EPHA6: variants seen among roughly 807,000 people sequenced by gnomAD.
EPHA6 encodes EPH receptor A6, also known as ephrin type-A receptor 6.
EPHA6 carries 50 observed loss-of-function variants against 112.0 expected under a neutral mutation model. The observed-to-expected ratio is 0.45, with a 90% CI of 0.36 to 0.56. The LOEUF (loss-of-function observed/expected upper bound fraction) is 0.56. Among genes scored for constraint, EPHA6 ranks in the 20% least tolerant of loss-of-function variants. EPHA6 has a pLI of 0.00. For missense variants in EPHA6, 1,280 were observed against 1,417.4 expected (o/e 0.90, Z 1.56); for synonymous variants, 529 against 490.7 (o/e 1.08, Z -1.03).
chr3:97,099,616 G>A (rs1456826610), intron 3 of EPHA6, among the ~76,000 whole-genome samples: 1 of 151,836 alleles, frequency 6.6e-6, no homozygotes, highest in African/African-American at 2.4e-5. Context: ...CATGTGACCT[G>A]TTTCTGGATA....
At chr3:97,435,786 G>T (rs1481645295) in intron 6 of EPHA6, among the ~76,000 whole-genome samples, 2 of 152,014 alleles carry the variant, frequency 1.3e-5, no homozygotes, top group Non-Finnish European at 2.9e-5. Flanking sequence ...AACCAGCTTA[G>T]GTTTATGAGT....
intron 2 of EPHA6, among the ~76,000 whole-genome samples, chr3:96,939,380 T>A (rs1025137442): frequency 6.6e-6 from 1 of 152,244 alleles, no homozygotes; most frequent in Non-Finnish European, 1.5e-5. Context: ...CTAGATTTTC[T>A]AGTTTATTTG....
At chr3:97,377,180 G>A (rs908368423) in intron 5 of EPHA6, among the ~76,000 whole-genome samples, 2 of 152,096 alleles carry the variant, frequency 1.3e-5, no homozygotes, top group African/African-American at 4.8e-5. Flanking sequence ...CACGTGTTGT[G>A]GGAGGGACTC....
At chr3:97,725,394 G>A (rs1031630275) in intron 15 of EPHA6, among the ~76,000 whole-genome samples, 2 of 152,240 alleles carry the variant, frequency 1.3e-5, no homozygotes, top group South Asian at 2.1e-4. Flanking sequence ...TGCACTTAGA[G>A]GTGGTCAGAG....
chr3:96,861,483 A>G (rs910703911), intron 1 of EPHA6, among the ~76,000 whole-genome samples: 1 of 152,008 alleles, frequency 6.6e-6, no homozygotes, highest in Non-Finnish European at 1.5e-5. Context: ...AAGAAGGGAC[A>G]GAGATATTTG....
chr3:97,649,194 C>A (rs570428664), intron 14 of EPHA6, among the ~76,000 whole-genome samples: 145 of 152,024 alleles, frequency 9.5e-4, no homozygotes, highest in Non-Finnish European at 1.7e-3. Context: ...ACAATCATGG[C>A]AGAAGTGAAG....
At chr3:97,342,172 C>T (rs2083337980) in intron 5 of EPHA6, among the ~76,000 whole-genome samples, 1 of 152,160 alleles carries the variant, frequency 6.6e-6, no homozygotes, top group Admixed American at 6.6e-5. Context: ...GCCCTGTCTT[C>T]ACAGAACTGG....
At chr3:97,624,197 T>C (rs1293410637) in intron 13 of EPHA6, among the ~76,000 whole-genome samples, 1 of 151,732 alleles carries the variant, frequency 6.6e-6, no homozygotes, top group Non-Finnish European at 1.5e-5. Flanking sequence ...GCTTTTATTA[T>C]GTCAAAGTAA....
At chr3:97,046,873 A>C (rs905777043) in intron 3 of EPHA6, among the ~76,000 whole-genome samples, 2 of 152,148 alleles carry the variant, frequency 1.3e-5, no homozygotes, top group Admixed American at 1.3e-4. Context: ...ATTTACATAG[A>C]TGAAAAACTT....
At chr3:97,492,547 C>CAAAAAAAAAAAAAAAAAAAAAAAAA (rs780244403) in intron 10 of EPHA6, among the ~76,000 whole-genome samples, 2 of 28,920 alleles carry the variant, frequency 6.9e-5, no homozygotes, top group African/African-American at 8.5e-5. Context: ...GACTCAGTCT[C>CAAAAAAAAAAAAAAAAAAAAAAAAA]AAAAAAAAAA....
rs1406931702 is a variant in EPHA6, at chr3:97,714,001, G to A, written c.2785-6260G>A. ...ACACAGATTTCCTTGAACTGGGCAA[G>A]ACAAGGTCTAAATTACTAGAACTGT... is the stretch of plus-strand genomic sequence containing the variant. On this transcript the variant is annotated intron_variant, in intron 14 of 17. Coordinates refer to ENST00000389672, the MANE Select transcript of EPHA6 (RefSeq NM_001080448.3). 4.6e-5 allele frequency among the ~76,000 whole-genome samples: 7 copies of A among 152,226 alleles called. No individual in the cohort carries two copies. In the East Asian group the frequency reaches 7.7e-4, roughly 17 times the overall value.
At chr3:97,317,173 G>T (rs1465712174) in intron 5 of EPHA6, among the ~76,000 whole-genome samples, 1 of 151,692 alleles carries the variant, frequency 6.6e-6, no homozygotes, top group African/African-American at 2.4e-5. Flanking sequence ...AAGGCCAACT[G>T]TGTCACTGTC....
intron 2 of EPHA6, among the ~76,000 whole-genome samples, chr3:96,917,121 A>G (rs1202235661): frequency 6.6e-6 from 1 of 150,536 alleles, no homozygotes; most frequent in Non-Finnish European, 1.5e-5. Context: ...TTTACACACA[A>G]ACAAACACAC....
chr3:97,438,032 G>T (rs1359256970), intron 6 of EPHA6, among the ~76,000 whole-genome samples: 1 of 152,086 alleles, frequency 6.6e-6, no homozygotes, highest in Non-Finnish European at 1.5e-5. Flanking sequence ...ATTTAAAGTT[G>T]TTGTTTGACT....
Position 97,246,261 on chromosome 3 carries a change from G to A in EPHA6, c.1606+1974G>A, listed in dbSNP as rs117789774. 2.0e-5 allele frequency among the ~76,000 whole-genome samples: 3 copies of A among 151,552 alleles called. No individual in the cohort carries two copies. The East Asian group carries it at 5.8e-4, about 29-fold the overall frequency. ...CTAGTACAACGATTTTTAGCTACAG[G>A]GAAAAAAATTTAATTTCTGTACAAA... On this transcript the variant is annotated intron_variant, in intron 5 of 17. Transcript: ENST00000389672.
At chr3:97,311,442 T>TCACACACACACA (rs35415439) in intron 5 of EPHA6, among the ~76,000 whole-genome samples, 1,667 of 144,126 alleles carry the variant, frequency 0.012, 29 homozygotes, top group African/African-American at 0.037. Flanking sequence ...GATTACACTT[T>TCACACACACACA]CACACACACA....
intron 3 of EPHA6, among the ~76,000 whole-genome samples, chr3:97,068,679 T>A (rs1268459168): frequency 6.6e-6 from 1 of 151,902 alleles, no homozygotes; most frequent in East Asian, 1.9e-4. Flanking sequence ...CCACAATTCA[T>A]ATGTTGAAAC....
intron 2 of EPHA6, among the ~76,000 whole-genome samples, chr3:96,948,701 G>A (rs1341403929): frequency 2.0e-5 from 3 of 152,094 alleles, no homozygotes; most frequent in Admixed American, 1.3e-4. Flanking sequence ...AAATTTGTAC[G>A]TATATAGCAG....
chr3:97,661,886 T>G (rs1025828039), intron 14 of EPHA6, among the ~76,000 whole-genome samples: 1 of 152,174 alleles, frequency 6.6e-6, no homozygotes, highest in Non-Finnish European at 1.5e-5. Flanking sequence ...AAGTGCATGA[T>G]TGGCATATAC....
Sources: allele counts gnomAD v4.1 joint callset (sites outside exome capture counted in the v4.1 genomes callset), GRCh38; gene constraint gnomAD v4.1.1; transcripts MANE v1.5; gene names NCBI Gene and HGNC (gene_info 2026-07-23, HGNC 2026-07-21).